PTPRM: variants seen among roughly 807,000 people sequenced by gnomAD.
The protein encoded by PTPRM is protein tyrosine phosphatase receptor type M.
In PTPRM, 47 loss-of-function variants were observed where a neutral mutation model predicts 186.7. The ratio of observed to expected loss-of-function variants is 0.25; its 90% CI spans 0.20 to 0.32. PTPRM has a LOEUF of 0.32. Among genes scored for constraint, PTPRM ranks in the 10% least tolerant of loss-of-function variants. The probability of loss-of-function intolerance (pLI) is 1.00; values close to 1 mark genes in which losing one functional copy is unlikely to be tolerated. For synonymous variants in PTPRM, 668 were observed against 674.9 expected (o/e 0.99, Z 0.16); for missense variants, 1,494 against 1,865.0 (o/e 0.80, Z 3.66).
chr18:8,206,268 A>ATTTTTTTTTTTTTTTTTTTTTTTTTTTTT (rs1238112461), intron 14 of PTPRM, among the ~76,000 whole-genome samples: 23 of 148,980 alleles, frequency 1.5e-4, no homozygotes, highest in African/African-American at 5.4e-4. Flanking sequence ...ATTTTATTTT[A>ATTTTTTTTTTTTTTTTTTTTTTTTTTTTT]TTTTGAGACG....
chr18:7,902,791 A>G (rs778415966), intron 3 of PTPRM, among the ~76,000 whole-genome samples: 1 of 150,394 alleles, frequency 6.6e-6, no homozygotes, highest in Non-Finnish European at 1.5e-5. Context: ...AAACAGATCT[A>G]GAGAAGTCTA....
At chr18:8,130,073 A>G (rs557642) in intron 13 of PTPRM, among the ~76,000 whole-genome samples, 151,574 of 152,308 alleles carry the variant, frequency 1, 75,424 homozygotes, top group East Asian at 1. Context: ...AATATCACCT[A>G]CCTCCCCATT....
chr18:7,884,209 T>C (rs560639369), intron 2 of PTPRM, among the ~76,000 whole-genome samples: 39 of 152,260 alleles, frequency 2.6e-4, no homozygotes, highest in African/African-American at 9.1e-4. Context: ...GCTAAAGTCA[T>C]CATAATGAAA....
chr18:8,134,933 T>C (rs2092603563), intron 13 of PTPRM, among the ~76,000 whole-genome samples: 2 of 152,312 alleles, frequency 1.3e-5, no homozygotes, highest in East Asian at 3.9e-4. Context: ...TCCTTCTCTT[T>C]CACTGACTTA....
intron 2 of PTPRM, among the ~76,000 whole-genome samples, chr18:7,782,263 T>C (rs1221670516): frequency 5.3e-5 from 8 of 151,800 alleles, no homozygotes; most frequent in African/African-American, 1.9e-4. Flanking sequence ...AATGGGTGTG[T>C]GAGGGAGGGT....
chr18:8,341,034 A>T (rs1490655881), intron 22 of PTPRM, among the ~76,000 whole-genome samples: 1 of 146,098 alleles, frequency 6.8e-6, no homozygotes, highest in Non-Finnish European at 1.5e-5. Context: ...GAGAGGAGTG[A>T]TCTGTATAGT....
intron 1 of PTPRM, among the ~76,000 whole-genome samples, chr18:7,730,636 C>G (rs1319836508): frequency 1.3e-5 from 2 of 152,156 alleles, no homozygotes; most frequent in African/African-American, 4.8e-5. Flanking sequence ...TTGTATTGCT[C>G]AGAAACATGA....
At chr18:8,244,895 C>G (rs1035813856) in intron 15 of PTPRM, among the ~76,000 whole-genome samples, 3 of 152,192 alleles carry the variant, frequency 2.0e-5, no homozygotes. Context: ...GTTTAGGGCA[C>G]ACTTTGGTGA....
chr18:8,030,098 TTA>T (rs1256442993), intron 7 of PTPRM, among the ~76,000 whole-genome samples: 4 of 152,200 alleles, frequency 2.6e-5, no homozygotes, highest in Non-Finnish European at 5.9e-5. Flanking sequence ...CCAATCTGTG[TTA>T]TGTCTCTCTT....
In PTPRM at chr18:8,143,666, A is replaced by G. The variant is rs1463533527; in HGVS notation, c.2187A>G (p.Pro729=). Residue 729 remains proline, a synonymous_variant, in exon 14 of 33, where the codon CCA becomes CCG. Coordinates refer to ENST00000580170, the MANE Select transcript of PTPRM (RefSeq NM_001105244.2). ...VATKGAATPK[P]VPEPEKQTDH... ...CTTCAGGAGCTGCCACTCCGAAACC[A>G]GTCCCAGAACCCGAGAAACAGACAG... The G allele has an allele frequency of 6.2e-7, 1 of 1,602,958 alleles. No homozygotes were observed. The highest frequency in any genetic ancestry group is 1.7e-5 in the Admixed American group (1 of 59,990).
At chr18:8,359,062 C>T (rs1193706244) in intron 23 of PTPRM, among the ~76,000 whole-genome samples, 2 of 152,120 alleles carry the variant, frequency 1.3e-5, no homozygotes, top group Admixed American at 6.5e-5. Flanking sequence ...GTATTAAATA[C>T]TTGGTAATTC....
chr18:7,853,605 C>G (rs1298621095), intron 2 of PTPRM, among the ~76,000 whole-genome samples: 1 of 152,188 alleles, frequency 6.6e-6, no homozygotes, highest in East Asian at 1.9e-4. Context: ...CACTGGATTT[C>G]TGAATCTTCT....
intron 20 of PTPRM, among the ~76,000 whole-genome samples, chr18:8,300,398 A>G (rs2095143589): frequency 6.6e-6 from 1 of 152,178 alleles, no homozygotes; most frequent in Admixed American, 6.5e-5. Flanking sequence ...AATGAACAGA[A>G]ATGCCACATT....
At chr18:7,619,795 C>CT (rs1460746734) in intron 1 of PTPRM, among the ~76,000 whole-genome samples, 5 of 152,174 alleles carry the variant, frequency 3.3e-5, no homozygotes, top group African/African-American at 4.8e-5. Context: ...TAGCAGTTCC[C>CT]TGTTCATTTG....
At chr18:7,975,004 C>T (rs1339545244) in intron 7 of PTPRM, among the ~76,000 whole-genome samples, 1 of 152,154 alleles carries the variant, frequency 6.6e-6, no homozygotes, top group Non-Finnish European at 1.5e-5. Context: ...GCATTTTTAA[C>T]AAATTCCTCA....
intron 15 of PTPRM, 103 bp from the exon 16 acceptor site, chr18:8,247,742 C>T (rs2094491068): frequency 5.1e-6 from 4 of 790,626 alleles, no homozygotes; most frequent in South Asian, 3.0e-5. Flanking sequence ...GTCCCGGAGT[C>T]ACCGTGGGTA....
Position 8,040,915 on chromosome 18 carries a change from G to A in PTPRM, c.1133-28771G>A, listed in dbSNP as rs375447447. ...ATTAACTCTGCTATTTAGCCATGCA[G>A]CATTAGTTGATAACATTTCTTTAGC... On this transcript the variant is annotated intron_variant, in intron 7 of 32. Transcript: ENST00000580170. 3.9e-5 allele frequency among the ~76,000 whole-genome samples: 6 copies of A among 152,308 alleles called. No individual in the cohort carries two copies. In the East Asian group the frequency reaches 9.6e-4, roughly 24 times the overall value.
intron 1 of PTPRM, among the ~76,000 whole-genome samples, chr18:7,761,785 G>A (rs1454217191): frequency 6.6e-6 from 1 of 152,050 alleles, no homozygotes; most frequent in African/African-American, 2.4e-5. Context: ...CATCATGCCT[G>A]GCACACAAGT....
chr18:8,301,016 A>G (rs2095151836), intron 20 of PTPRM, among the ~76,000 whole-genome samples: 1 of 152,188 alleles, frequency 6.6e-6, no homozygotes, highest in South Asian at 2.1e-4. Context: ...CTGCCTAAAA[A>G]TTATGTAACT....
Sources: gnomAD v4.1 joint callset for allele counts (sites outside exome capture counted in the v4.1 genomes callset) on GRCh38, gnomAD v4.1.1 for gene constraint, MANE v1.5 for transcripts, NCBI Gene and HGNC (gene_info 2026-07-23, HGNC 2026-07-21) for gene names.